The following ZNF813 variants were observed in gnomAD, a reference collection of about 807,000 sequenced individuals.
ZNF813 encodes zinc finger protein 813.
A neutral mutation model predicts 7.2 loss-of-function variants in ZNF813; 3 were observed. The ratio of observed to expected loss-of-function variants is 0.42; its 90% CI spans 0.19 to 1.08. The LOEUF (loss-of-function observed/expected upper bound fraction) is 1.08. ZNF813 is among the 50% of genes least tolerant of loss of function. The pLI is 0.30. For missense variants in ZNF813, 714 were observed against 753.3 expected (o/e 0.95, Z 0.61); for synonymous variants, 227 against 256.3 (o/e 0.89, Z 1.09).
chr19:53,472,415 A>G (rs562467498), intron 1 of ZNF813, among the ~76,000 whole-genome samples: 23 of 152,020 alleles, frequency 1.5e-4, no homozygotes, highest in African/African-American at 5.3e-4. Flanking sequence ...CTGCTGGACA[A>G]GCATCAAAAT....
chr19:53,468,227 CCCCCCA>C (rs2086337629), intron 1 of ZNF813, among the ~76,000 whole-genome samples: 1 of 125,568 alleles, frequency 8.0e-6, no homozygotes, highest in Non-Finnish European at 1.8e-5. Context: ...GCGCCCCCCC[CCCCCCA>C]CCTCCCTCCT....
At chr19:53,468,230 C>CG (rs1250556697) in intron 1 of ZNF813, among the ~76,000 whole-genome samples, 6 of 108,568 alleles carry the variant, frequency 5.5e-5, no homozygotes, top group South Asian at 6.9e-4. Flanking sequence ...CCCCCCCCCC[C>CG]CCACCTCCCT....
intron 1 of ZNF813, among the ~76,000 whole-genome samples, chr19:53,470,185 C>CCTTCCTTCCTTCCTTCCTTCCTTCCT (rs1568825797): frequency 1.8e-5 from 2 of 113,944 alleles, no homozygotes; most frequent in Non-Finnish European, 3.8e-5. Context: ...TTCTTTCTTT[C>CCTTCCTTCCTTCCTTCCTTCCTTCCT]TTTCACTCTT....
rs182402617 is a variant in ZNF813, at chr19:53,491,057, G to A, written c.825G>A (p.Glu275=). Residue 275 remains glutamate, a synonymous_variant, in exon 4 of 4, where the codon GAG becomes GAA. Coordinates refer to ENST00000396403, the MANE Select transcript of ZNF813 (RefSeq NM_001004301.4). ...GGGAGAAACCTTACAGGTGTAATGA[G>A]TGTGGCAAGACTTTCAGTCAGACGT... The part of the protein sequence containing the change: ...HTGEKPYRCN[E]CGKTFSQTYS... 7.3e-5 allele frequency: 118 copies of A among 1,614,124 alleles called. 1 individual carries two copies. In the East Asian group the frequency reaches 2.1e-3, roughly 29 times the overall value.
intron 1 of ZNF813, among the ~76,000 whole-genome samples, chr19:53,478,363 G>A (rs1289727428): frequency 6.6e-6 from 1 of 151,932 alleles, no homozygotes; most frequent in African/African-American, 2.4e-5. Flanking sequence ...TGTAGAAACG[G>A]GTTTCGCTAT....
intron 1 of ZNF813, among the ~76,000 whole-genome samples, chr19:53,476,183 T>C (rs1379424898): frequency 1.3e-5 from 2 of 152,146 alleles, no homozygotes; most frequent in Non-Finnish European, 2.9e-5. Flanking sequence ...TGTAACTTAT[T>C]TTCTATAGGA....
chr19:53,483,929 C>G (rs1006441680), intron 2 of ZNF813, 92 bp downstream of exon 2: 1 of 1,607,200 alleles, frequency 6.2e-7, no homozygotes, highest in African/African-American at 1.3e-5. Context: ...TCTGAAGCAT[C>G]CTGCCTGACA....
At chr19:53,487,008 G>A (rs1435802255) in intron 3 of ZNF813, among the ~76,000 whole-genome samples, 4 of 137,140 alleles carry the variant, frequency 2.9e-5, no homozygotes, top group Admixed American at 7.5e-5. Flanking sequence ...TTTTTTTAGA[G>A]AATGTTCTTA....
At chr19:53,489,950 G>A (rs771096191) in intron 3 of ZNF813, among the ~76,000 whole-genome samples, 4 of 152,166 alleles carry the variant, frequency 2.6e-5, no homozygotes, top group African/African-American at 4.8e-5. Context: ...CCTTACATGA[G>A]CTTGTTGTGG....
chr19:53,489,644 C>T (rs1415448627), intron 3 of ZNF813, among the ~76,000 whole-genome samples: 3 of 152,048 alleles, frequency 2.0e-5, no homozygotes, highest in South Asian at 2.1e-4. Flanking sequence ...AACGTCATAA[C>T]GTGCCTTTTC....
At chr19:53,476,416 G>A (rs115697948) in intron 1 of ZNF813, among the ~76,000 whole-genome samples, 1,915 of 152,100 alleles carry the variant, frequency 0.013, 42 homozygotes, top group African/African-American at 0.043. Context: ...GGATCACGAG[G>A]TCAGGAGTCC....
In ZNF813 at chr19:53,491,739, G is replaced by A; in HGVS notation, c.1507G>A (p.Gly503Ser). ...TTACAAGTGTAATGAATGTGGCAAG[G>A]GTTTTAATCGGAAAACACACCTTGC... ...KPYKCNECGK[G>S]FNRKTHLACH... Residue 503 changes from glycine to serine, a missense_variant, in exon 4 of 4, where the codon GGT (glycine) becomes AGT (serine). By Grantham distance (56) the Gly-to-Ser change is moderately conservative. Transcript: ENST00000396403. 3 of 1,570,760 alleles carry A rather than the reference G, an allele frequency of 1.9e-6. No individual in the cohort carries two copies. The highest frequency in any genetic ancestry group is 2.6e-6 in the Non-Finnish European group (3 of 1,149,006).
intron 1 of ZNF813, among the ~76,000 whole-genome samples, chr19:53,470,271 T>C (rs2086352027): frequency 6.6e-6 from 1 of 152,280 alleles, no homozygotes; most frequent in Non-Finnish European, 1.5e-5. Flanking sequence ...TTATAACTGT[T>C]CTCTAAGTGA....
At position 53,491,661 on chromosome 19, in the gene ZNF813, A is replaced by G; in HGVS notation, c.1429A>G (p.Ser477Gly). ...GTGTAATGAGTGTGGCAAGACGTTC[A>G]GTCGAATTTCAGCCCTCGTAATTCA... ...YKCNECGKTFSRISALVIHTA... is the reference protein window; with the variant it reads ...YKCNECGKTFGRISALVIHTA... The change falls in exon 4 of 4, where the codon AGT (serine) becomes GGT (glycine). Residue 477 changes from serine (S) to glycine (G), a missense_variant. Coordinates refer to ENST00000396403, the MANE Select transcript of ZNF813 (RefSeq NM_001004301.4). The G allele has an allele frequency of 1.2e-6, 2 of 1,613,888 alleles. No homozygotes were observed. Among genetic ancestry groups the G allele is most frequent in the Non-Finnish European group, 1.7e-6 (2 of 1,179,864 alleles).
In ZNF813 at chr19:53,467,782, G is replaced by C. The variant is rs1199037018; in HGVS notation, c.-81G>C. 3.9e-5 allele frequency: 7 copies of C among 177,236 alleles called. 1 individual carries two copies. The South Asian group carries it at 7.1e-4, about 18-fold the overall frequency. 11.0% of individuals were successfully genotyped at this position (177,236 alleles called of 1,614,324 possible). On this transcript the variant is annotated 5_prime_UTR_variant, in exon 1 of 4. Coordinates refer to ENST00000396403, the MANE Select transcript of ZNF813 (RefSeq NM_001004301.4). The stretch of plus-strand genomic sequence containing the variant: ...GGATCGCGTGGAGTGACGGTCCCAC[G>C]GCAGCGCGTGAGTTTGGCTCTGTGT...
At position 53,490,357 on chromosome 19, in the gene ZNF813, C is replaced by T. The variant is rs199845534; in HGVS notation, c.143-18C>T. The T allele has an allele frequency of 3.0e-4, 490 of 1,612,370 alleles. No individual in the cohort carries two copies. Among genetic ancestry groups the T allele is most frequent in the Middle Eastern group, 1.5e-3 (9 of 6,068 alleles). ...ATCTGTACTGAACTGGAAACCTATTCGTGTTTATATTTTGTAGATATCTCT... is the reference window on the plus strand; with the variant it reads ...ATCTGTACTGAACTGGAAACCTATTTGTGTTTATATTTTGTAGATATCTCT... On this transcript the variant is annotated intron_variant, in intron 3 of 3. Coordinates refer to ENST00000396403, the MANE Select transcript of ZNF813 (RefSeq NM_001004301.4).
intron 1 of ZNF813, among the ~76,000 whole-genome samples, chr19:53,471,577 A>G (rs1375261420): frequency 6.6e-6 from 1 of 152,088 alleles, no homozygotes; most frequent in Non-Finnish European, 1.5e-5. Context: ...TGGGAGGCTG[A>G]TGCGGGTGGA....
At chr19:53,480,756 A>C (rs1237128839) in intron 1 of ZNF813, among the ~76,000 whole-genome samples, 1 of 152,200 alleles carries the variant, frequency 6.6e-6, no homozygotes, top group Non-Finnish European at 1.5e-5. Context: ...TATTAAGTGC[A>C]TGTTTCCCTC....
Position 53,491,200 on chromosome 19 carries a change from G to A in ZNF813, c.968G>A (p.Gly323Glu), listed in dbSNP as rs377226319. The change falls in exon 4 of 4, where the codon GGA becomes GAA. Residue 323 changes from glycine (G) to glutamate (E), a missense_variant. Around this residue, in one of 3 missense-constraint regions of ZNF813, gnomAD observed 563 missense variants for 554.2 expected, o/e 1.02. Transcript: ENST00000396403. The part of the protein sequence containing the change: ...NLKRHRRIHA[G>E]EKPYKCNECG... ...AAAAGACATAGGAGAATTCATGCTG[G>A]AGAAAAACCATACAAGTGTAATGAA... The A allele has an allele frequency of 1.1e-5, 18 of 1,613,820 alleles. No individual in the cohort carries two copies. In the African/African-American group the frequency reaches 1.6e-4, roughly 14 times the overall value.
Sources: gnomAD v4.1 joint callset for allele counts (sites outside exome capture counted in the v4.1 genomes callset) on GRCh38, gnomAD v4.1.1 for gene constraint, gnomAD v4.1.1 regional missense constraint, MANE v1.5 for transcripts, NCBI Gene and HGNC (gene_info 2026-07-23, HGNC 2026-07-21) for gene names.